The following UBR1 variants were observed in gnomAD, a reference collection of about 807,000 sequenced individuals.
UBR1 encodes ubiquitin protein ligase E3 component n-recognin 1, also known as E3 ubiquitin-protein ligase UBR1.
In UBR1, 102 loss-of-function variants were observed where a neutral mutation model predicts 242.1. The observed-to-expected ratio is 0.42, with a 90% CI of 0.36 to 0.50. The LOEUF (loss-of-function observed/expected upper bound fraction) is 0.50. Ranked by LOEUF, UBR1 falls within the 20% of genes least tolerant of loss-of-function variation. The pLI is 0.01. For missense variants in UBR1, 1,772 were observed against 2,101.8 expected, an observed-to-expected ratio of 0.84 and a Z score of 3.07; for synonymous variants, 675 against 684.8, an observed-to-expected ratio of 0.99 and a Z score of 0.22.
At chr15:42,960,441 TA>T (rs1387390662) in intron 43 of UBR1, among the ~76,000 whole-genome samples, 1 of 152,172 alleles carries the variant, frequency 6.6e-6, no homozygotes, top group Non-Finnish European at 1.5e-5. Flanking sequence ...TGGCTTCTAA[TA>T]ATCTAAGAGG....
chr15:43,017,171 G>T lies in UBR1; in HGVS notation c.2951C>A (p.Thr984Lys), dbSNP rs777027545. ...MITWILQMFD[T>K]VKRLREKSCL... ...AGATTTTTCTCTTAATCGCTTCACT[G>T]TGTCAAACATCTGTGAAAAACAGAT... Residue 984 changes from threonine (T) to lysine (K), a missense_variant, in exon 28 of 47, where the codon ACA (threonine) becomes AAA (lysine). Around this residue, in one of 3 missense-constraint regions of UBR1, gnomAD observed 965 missense variants for 1,079.7 expected, o/e 0.89. Coordinates refer to ENST00000290650, the MANE Select transcript of UBR1 (RefSeq NM_174916.3). 6 of 1,612,354 alleles carry T rather than the reference G, an allele frequency of 3.7e-6. No homozygotes were observed. In the African/African-American group the frequency reaches 8.0e-5, roughly 22 times the overall value.
At chr15:42,953,014 C>G (rs1209837540) in intron 44 of UBR1, among the ~76,000 whole-genome samples, 2 of 151,946 alleles carry the variant, frequency 1.3e-5, no homozygotes, top group Admixed American at 6.6e-5. Context: ...ACCTCGGCCT[C>G]CCCGGTCCAA....
At position 43,063,502 on chromosome 15, in the gene UBR1, C is replaced by T. The variant is rs140210358; in HGVS notation, c.799-3388G>A. On this transcript the variant is annotated intron_variant, in intron 6 of 46. Coordinates refer to ENST00000290650, the MANE Select transcript of UBR1 (RefSeq NM_174916.3). ...TGCAATATTAACCTTGTACATAAGA[C>T]GGCAAAAATGTGACCCAGGAGCCAA... 4.9e-4 allele frequency among the ~76,000 whole-genome samples: 75 copies of T among 152,190 alleles called. No homozygotes were observed. The East Asian group carries it at 0.013, about 27-fold the overall frequency.
rs369995564 is a variant in UBR1 at position 43,006,402 on chromosome 15, C to A, written c.3415+677G>T. Among the ~76,000 whole-genome samples the A allele has an allele frequency of 5.3e-5, 8 of 152,290 alleles. 1 individual carries two copies. In the South Asian group the frequency reaches 1.5e-3, roughly 28 times the overall value. On this transcript the variant is annotated intron_variant, in intron 30 of 46. Coordinates refer to ENST00000290650, the MANE Select transcript of UBR1 (RefSeq NM_174916.3). ...TTGTTTGTTTTGAGACAGGGTCTCA[C>A]CCTGTTGTGGACCACAGGCTCATGC...
chr15:43,015,726 T>G lies in UBR1; in HGVS notation c.3171A>C (p.Glu1057Asp), dbSNP rs2033013541. The change falls in exon 29 of 47, where the codon GAA (glutamate) becomes GAC (aspartate). Residue 1057 changes from glutamate (E) to aspartate (D), a missense_variant. Coordinates refer to ENST00000290650, the MANE Select transcript of UBR1 (RefSeq NM_174916.3). ...THKLMYDNTS[E>D]MPGKEDSIME... ...TAATGGAATCTTCTTTCCCAGGCAT[T>G]TCTGATGTATTGTCATACATGAGTT... The G allele has an allele frequency of 1.2e-6, 2 of 1,614,196 alleles. No homozygotes were observed. Among genetic ancestry groups the G allele is most frequent in the Non-Finnish European group, 1.7e-6 (2 of 1,180,036 alleles).
chr15:43,079,967 A>G lies in UBR1; in HGVS notation c.417+2671T>C, dbSNP rs79495656. 7.7e-4 allele frequency among the ~76,000 whole-genome samples: 118 copies of G among 152,316 alleles called. 2 individuals are homozygous for G. The East Asian group carries it at 0.021, about 28-fold the overall frequency. The stretch of plus-strand genomic sequence containing the variant: ...AGGATATTATTTCCAGCCAAGCTAT[A>G]AAGGTCTGATTTTGAACATGTCAGG... On this transcript the variant is annotated intron_variant, in intron 3 of 46. Coordinates refer to ENST00000290650, the MANE Select transcript of UBR1 (RefSeq NM_174916.3).
At position 43,075,066 on chromosome 15, in the gene UBR1, C is replaced by T. The variant is rs991457377; in HGVS notation, c.441G>A (p.Gly147=). Residue 147 remains glycine (G), a synonymous_variant, in exon 4 of 47, where the codon GGG becomes GGA. Transcript: ENST00000290650. The part of the protein sequence containing the change: ...RYKMHTSTGG[G]FCDCGDTEAW... ...CCTCTGTGTCTCCACAGTCACAGAACCCTCCTCCAGTAGAAGTATGCATCT... is the reference window on the plus strand; with the variant it reads ...CCTCTGTGTCTCCACAGTCACAGAATCCTCCTCCAGTAGAAGTATGCATCT... 3 of 1,613,886 alleles carry T rather than the reference C, an allele frequency of 1.9e-6. No individual in the cohort carries two copies. Among genetic ancestry groups the T allele is most frequent in the East Asian group, 2.2e-5 (1 of 44,854 alleles).
At chr15:43,010,402 T>C (rs568776917) in intron 29 of UBR1, among the ~76,000 whole-genome samples, 24 of 151,446 alleles carry the variant, frequency 1.6e-4, no homozygotes, top group Non-Finnish European at 2.9e-4. Flanking sequence ...ATACATAGAT[T>C]TCCAAGACAT....
At chr15:43,079,173 T>C (rs1328714686) in intron 3 of UBR1, among the ~76,000 whole-genome samples, 3 of 150,184 alleles carry the variant, frequency 2.0e-5, no homozygotes, top group Admixed American at 2.0e-4. Flanking sequence ...ACAACTAACA[T>C]TTAAAACCAC....
chr15:43,071,225 T>A (rs762763444), intron 4 of UBR1, among the ~76,000 whole-genome samples: 3 of 152,192 alleles, frequency 2.0e-5, no homozygotes, highest in Non-Finnish European at 4.4e-5. Context: ...TACGATGATA[T>A]CACGTAACAA....
chr15:42,946,011 A>G (rs964993438), intron 46 of UBR1, among the ~76,000 whole-genome samples: 2 of 152,282 alleles, frequency 1.3e-5, no homozygotes, highest in African/African-American at 2.4e-5. Context: ...TTAACACTGT[A>G]TAACAGCTAA....
intron 16 of UBR1, 29 bp from the exon 17 acceptor site, chr15:43,037,912 T>C: frequency 6.3e-7 from 1 of 1,586,164 alleles, no homozygotes; most frequent in South Asian, 1.1e-5. Flanking sequence ...AATTTTATCA[T>C]TTCTCACAGA....
chr15:43,046,230 T>C (rs2033483933), intron 14 of UBR1, among the ~76,000 whole-genome samples: 1 of 152,234 alleles, frequency 6.6e-6, no homozygotes. Flanking sequence ...TGGACAGTAT[T>C]TCCTGTGGTG....
rs1484139393 is a variant in UBR1, at chr15:43,025,314, T to C, written c.2584+67A>G. ...AAAAACCAACAACAACAAAAAACTA[T>C]ATGCTTTGCTGATGTGAAACCACAG... On this transcript the variant is annotated intron_variant, in intron 24 of 46. Transcript: ENST00000290650. The C allele has an allele frequency of 8.1e-6, 12 of 1,479,358 alleles. No homozygotes were observed. The East Asian group carries it at 2.8e-4, about 34-fold the overall frequency. The allele number at this position is 1,479,358 out of a possible 1,614,324, so 91.6% of individuals were successfully genotyped here.
intron 1 of UBR1, among the ~76,000 whole-genome samples, chr15:43,092,689 G>A (rs937768767): frequency 6.6e-6 from 1 of 152,102 alleles, no homozygotes; most frequent in Admixed American, 6.5e-5. Flanking sequence ...AAGTAGCTGG[G>A]ACTACGGGCG....
intron 44 of UBR1, among the ~76,000 whole-genome samples, chr15:42,956,275 T>G (rs2141252116): frequency 6.6e-6 from 1 of 152,278 alleles, no homozygotes; most frequent in African/African-American, 2.4e-5. Flanking sequence ...AATCAGTCAC[T>G]CTAATGAAAC....
At chr15:42,946,054 A>G (rs916380843) in intron 46 of UBR1, among the ~76,000 whole-genome samples, 1 of 152,226 alleles carries the variant, frequency 6.6e-6, no homozygotes, top group African/African-American at 2.4e-5. Context: ...TGTTGCCAGT[A>G]ACGGAGAACT....
chr15:43,081,294 GTAATCC>G (rs2033971308), intron 3 of UBR1, among the ~76,000 whole-genome samples: 1 of 151,860 alleles, frequency 6.6e-6, no homozygotes, highest in Non-Finnish European at 1.5e-5. Context: ...GCGCACGCCT[GTAATCC>G]TAGCTACTCA....
At chr15:42,966,132 T>C (rs1172781044) in intron 41 of UBR1, 21 bp downstream of exon 41, 1 of 1,614,092 alleles carries the variant, frequency 6.2e-7, no homozygotes, top group Non-Finnish European at 8.5e-7. Context: ...TTCCACTCCA[T>C]GATTTCATTT....
Sources: gnomAD v4.1 joint callset for allele counts (sites outside exome capture counted in the v4.1 genomes callset) on GRCh38, gnomAD v4.1.1 for gene constraint, gnomAD v4.1.1 regional missense constraint, MANE v1.5 for transcripts, NCBI Gene and HGNC (gene_info 2026-07-23, HGNC 2026-07-21) for gene names.